NCAM2: variants seen among roughly 807,000 people sequenced by gnomAD.
The protein encoded by NCAM2 is neural cell adhesion molecule 2, also known as N-CAM-2.
In NCAM2, 30 loss-of-function variants were observed where a neutral mutation model predicts 98.1. That is an observed-to-expected ratio of 0.31 (90% confidence interval 0.23 to 0.41). NCAM2 has a LOEUF of 0.41. Among genes scored for constraint, NCAM2 ranks in the 10% least tolerant of loss-of-function variants. The pLI, the probability that NCAM2 is intolerant of heterozygous loss-of-function variation, is 1.00. For synonymous variants in NCAM2, 368 were observed against 342.4 expected (o/e 1.07, Z -0.83); for missense variants, 867 against 1,005.8 (o/e 0.86, Z 1.87).
At chr21:21,514,999 T>C (rs1988629521) in intron 16 of NCAM2, among the ~76,000 whole-genome samples, 1 of 152,186 alleles carries the variant, frequency 6.6e-6, no homozygotes, top group African/African-American at 2.4e-5. Flanking sequence ...ATTTAAAAAA[T>C]TTAAATTATT....
At chr21:21,229,166 G>T (rs1256934858) in intron 1 of NCAM2, among the ~76,000 whole-genome samples, 2 of 151,320 alleles carry the variant, frequency 1.3e-5, no homozygotes, top group Non-Finnish European at 3.0e-5. Flanking sequence ...TATTTGAGGG[G>T]ATTTTAATTT....
chr21:21,014,414 A>C (rs1297741975), intron 1 of NCAM2, among the ~76,000 whole-genome samples: 1 of 145,792 alleles, frequency 6.9e-6, no homozygotes, highest in Admixed American at 6.9e-5. Context: ...ATGGAGTGAG[A>C]CTCCATCTCA....
chr21:21,460,593 T>G lies in NCAM2; in HGVS notation c.1655-6013T>G, dbSNP rs543042425. ...AAGTGCTCTCATTGGGTCAGTTTTCTTTAAAAGTGGTGTTTCATTTGGTAT... is the reference window on the plus strand; with the variant it reads ...AAGTGCTCTCATTGGGTCAGTTTTCGTTAAAAGTGGTGTTTCATTTGGTAT... On this transcript the variant is annotated intron_variant, in intron 12 of 17. Coordinates refer to ENST00000400546, the MANE Select transcript of NCAM2 (RefSeq NM_004540.5). 2.6e-5 allele frequency among the ~76,000 whole-genome samples: 4 copies of G among 152,114 alleles called. No homozygotes were observed. In the South Asian group the frequency reaches 8.3e-4, roughly 31 times the overall value.
intron 1 of NCAM2, among the ~76,000 whole-genome samples, chr21:21,179,855 G>T (rs1160490670): frequency 2.6e-5 from 4 of 152,196 alleles, no homozygotes; most frequent in Non-Finnish European, 4.4e-5. Flanking sequence ...TGTTGTTTCA[G>T]TTTTCTATTG....
At chr21:21,273,762 G>C (rs2072617279) in intron 1 of NCAM2, among the ~76,000 whole-genome samples, 1 of 152,074 alleles carries the variant, frequency 6.6e-6, no homozygotes, top group South Asian at 2.1e-4. Flanking sequence ...TGGTTATTTT[G>C]TTTTATTTTC....
At chr21:21,367,077 A>G (rs2075805156) in intron 8 of NCAM2, among the ~76,000 whole-genome samples, 1 of 151,992 alleles carries the variant, frequency 6.6e-6, no homozygotes. Context: ...ATCTCTGACC[A>G]TATTATAACG....
At chr21:21,187,339 A>C (rs1434700659) in intron 1 of NCAM2, among the ~76,000 whole-genome samples, 3 of 152,162 alleles carry the variant, frequency 2.0e-5, no homozygotes, top group Non-Finnish European at 4.4e-5. Flanking sequence ...TCATTTTAAA[A>C]TTATACTTAT....
chr21:21,311,353 T>G (rs1478596578), intron 5 of NCAM2, among the ~76,000 whole-genome samples: 1 of 148,276 alleles, frequency 6.7e-6, no homozygotes, highest in East Asian at 2.0e-4. Flanking sequence ...TTTTTTTTTT[T>G]TTTTTGAGAC....
chr21:21,525,038 T>C (rs565071846), intron 16 of NCAM2, among the ~76,000 whole-genome samples: 7 of 152,106 alleles, frequency 4.6e-5, no homozygotes, highest in African/African-American at 9.7e-5. Context: ...TTTCCTTGAA[T>C]ACATATATTA....
intron 16 of NCAM2, among the ~76,000 whole-genome samples, chr21:21,516,171 C>T (rs1988701476): frequency 6.6e-6 from 1 of 152,160 alleles, no homozygotes; most frequent in Non-Finnish European, 1.5e-5. Context: ...AGTTTGTACT[C>T]TTTCGTGTCT....
At position 21,192,487 on chromosome 21, in the gene NCAM2, A is replaced by G. The variant is rs147643681; in HGVS notation, c.56-88091A>G. On this transcript the variant is annotated intron_variant, in intron 1 of 17. Transcript: ENST00000400546. ...ACATTGACCAAGCCTGTTGGTTGCA[A>G]TGGTGGGTGCTGAAACTAAACTGAA... Among the ~76,000 whole-genome samples, 771 of 152,290 alleles carry G rather than the reference A, an allele frequency of 5.1e-3. 3 individuals carry two copies. Among genetic ancestry groups the G allele is most frequent in the Non-Finnish European group, 7.6e-3 (514 of 68,024 alleles).
At chr21:21,174,623 A>T (rs895494509) in intron 1 of NCAM2, among the ~76,000 whole-genome samples, 2 of 152,108 alleles carry the variant, frequency 1.3e-5, no homozygotes. Flanking sequence ...TATAACAGGA[A>T]ATATTTGCTG....
At chr21:21,028,608 G>A (rs2064602430) in intron 1 of NCAM2, among the ~76,000 whole-genome samples, 1 of 152,142 alleles carries the variant, frequency 6.6e-6, no homozygotes, top group African/African-American at 2.4e-5. Context: ...CTGCAGCATA[G>A]GCCACCTTAA....
intron 8 of NCAM2, among the ~76,000 whole-genome samples, chr21:21,347,667 C>T (rs1475408623): frequency 1.3e-5 from 2 of 152,000 alleles, no homozygotes; most frequent in East Asian, 1.9e-4. Context: ...GCCAGTATTA[C>T]TTTGATACCT....
At chr21:21,144,708 C>T (rs757513230) in intron 1 of NCAM2, among the ~76,000 whole-genome samples, 59 of 152,170 alleles carry the variant, frequency 3.9e-4, no homozygotes, top group Admixed American at 1.1e-3. Flanking sequence ...CACCTCTGTT[C>T]CCAAATATCT....
At chr21:21,283,821 G>C (rs999493422) in intron 2 of NCAM2, among the ~76,000 whole-genome samples, 9 of 151,868 alleles carry the variant, frequency 5.9e-5, no homozygotes, top group South Asian at 2.1e-4. Context: ...TTGTGGTTCT[G>C]TTCAGATATT....
chr21:21,357,118 T>C (rs919915357), intron 8 of NCAM2, among the ~76,000 whole-genome samples: 4 of 152,322 alleles, frequency 2.6e-5, no homozygotes, highest in South Asian at 2.1e-4. Flanking sequence ...ATATACACTT[T>C]TGAAATATGC....
At position 21,174,111 on chromosome 21, in the gene NCAM2, G is replaced by C. The variant is rs150557117; in HGVS notation, c.56-106467G>C. Among the ~76,000 whole-genome samples, 1,267 of 152,166 alleles carry C rather than the reference G, an allele frequency of 8.3e-3. 15 individuals carry two copies. The highest frequency in any genetic ancestry group is 0.029 in the African/African-American group (1,206 of 41,484). ...AATTTTTGTATTTTAGTAGATACGA[G>C]GTTTCACCATGTTGGCCAAGCTGGT... On this transcript the variant is annotated intron_variant, in intron 1 of 17. Coordinates refer to ENST00000400546, the MANE Select transcript of NCAM2 (RefSeq NM_004540.5).
At chr21:21,504,705 G>A (rs1032650547) in intron 15 of NCAM2, among the ~76,000 whole-genome samples, 4 of 151,290 alleles carry the variant, frequency 2.6e-5, no homozygotes, top group Non-Finnish European at 5.9e-5. Flanking sequence ...ACATCCTCAA[G>A]GTGACATTTA....
Sources: allele counts gnomAD v4.1 joint callset (sites outside exome capture counted in the v4.1 genomes callset), GRCh38; gene constraint gnomAD v4.1.1; transcripts MANE v1.5; gene names NCBI Gene and HGNC (gene_info 2026-07-23, HGNC 2026-07-21).